KLHL29: variants seen among roughly 807,000 people sequenced by gnomAD.
KLHL29 encodes kelch-like protein 29.
KLHL29 carries 21 observed loss-of-function variants against 80.4 expected under a neutral mutation model. That is an observed-to-expected ratio of 0.26 (90% CI 0.19 to 0.38). The LOEUF is 0.38. Ranked by LOEUF, KLHL29 falls within the 10% of genes least tolerant of loss-of-function variation. The pLI is 1.00. For synonymous variants in KLHL29, 511 were observed against 526.8 expected, an observed-to-expected ratio of 0.97 and a Z score of 0.41; for missense variants, 867 against 1,223.9, an observed-to-expected ratio of 0.71 and a Z score of 4.35.
chr2:23,405,399 A>G (rs1163645231), intron 1 of KLHL29, among the ~76,000 whole-genome samples: 2 of 152,264 alleles, frequency 1.3e-5, no homozygotes, highest in African/African-American at 4.8e-5. Flanking sequence ...TGACAAAACA[A>G]TGCATGTTTT....
chr2:23,561,517 C>G (rs1476269498), intron 2 of KLHL29, among the ~76,000 whole-genome samples: 1 of 152,136 alleles, frequency 6.6e-6, no homozygotes, highest in Non-Finnish European at 1.5e-5. Flanking sequence ...GAGGCTAACA[C>G]CCTTTGCGAC....
At chr2:23,428,338 G>A (rs2103406621) in intron 1 of KLHL29, among the ~76,000 whole-genome samples, 1 of 152,334 alleles carries the variant, frequency 6.6e-6, no homozygotes, top group Admixed American at 6.5e-5. Flanking sequence ...TTCCCCCAGT[G>A]ATGTTGCGAG....
intron 1 of KLHL29, among the ~76,000 whole-genome samples, chr2:23,446,320 C>T (rs1389767488): frequency 6.6e-6 from 1 of 151,870 alleles, no homozygotes; most frequent in African/African-American, 2.4e-5. Flanking sequence ...ACCAAATTTC[C>T]ACATGGGGTC....
intron 1 of KLHL29, among the ~76,000 whole-genome samples, chr2:23,426,795 C>G (rs2103405681): frequency 6.6e-6 from 1 of 152,282 alleles, no homozygotes; most frequent in Non-Finnish European, 1.5e-5. Context: ...CACAGCTGGA[C>G]CCAGCCTCAG....
intron 3 of KLHL29, among the ~76,000 whole-genome samples, chr2:23,604,215 A>G (rs1668647017): frequency 6.6e-6 from 1 of 151,934 alleles, no homozygotes; most frequent in Non-Finnish European, 1.5e-5. Flanking sequence ...GCAGTGGTAC[A>G]ATCTGGGCCT....
chr2:23,438,770 C>A (rs1227076391), intron 1 of KLHL29, among the ~76,000 whole-genome samples: 1 of 151,922 alleles, frequency 6.6e-6, no homozygotes, highest in East Asian at 1.9e-4. Flanking sequence ...GTCTAAAATT[C>A]TTTTTTTGGT....
chr2:23,387,512 TATTATTA>T (rs1558319616), intron 1 of KLHL29, among the ~76,000 whole-genome samples: 8 of 44,782 alleles, frequency 1.8e-4, no homozygotes, highest in African/African-American at 1.2e-3. Context: ...GATTTATTAT[TATTATTA>T]TTATTATTAT....
intron 2 of KLHL29, among the ~76,000 whole-genome samples, chr2:23,549,383 A>C (rs1043972049): frequency 1.3e-5 from 2 of 152,250 alleles, no homozygotes; most frequent in Admixed American, 6.5e-5. Flanking sequence ...ACTTGTCAAC[A>C]GAGGCTGCCT....
intron 3 of KLHL29, among the ~76,000 whole-genome samples, chr2:23,592,447 G>A (rs1218996324): frequency 6.6e-6 from 1 of 152,212 alleles, no homozygotes; most frequent in African/African-American, 2.4e-5. Context: ...GGAACATTCT[G>A]ACCTGGGAGC....
In KLHL29 at chr2:23,503,922, A is replaced by G. The variant is rs945861717; in HGVS notation, c.-46+28255A>G. On this transcript the variant is annotated intron_variant, in intron 2 of 13. Transcript: ENST00000486442. The surrounding 1 kb of genome is among the most constrained non-coding windows in gnomAD (Gnocchi z 4.0). Reference sequence around the variant, plus strand: ...CTGTGCCTGCATCCTTCCCTCCTCCACTAGGAGCCTCTGGTTCCAGCCCAG... The same window carrying G: ...CTGTGCCTGCATCCTTCCCTCCTCCGCTAGGAGCCTCTGGTTCCAGCCCAG... Among the ~76,000 whole-genome samples the G allele has an allele frequency of 6.6e-6, 1 of 152,318 alleles. No homozygotes were observed.
chr2:23,440,632 GA>G (rs1159410705), intron 1 of KLHL29, among the ~76,000 whole-genome samples: 1 of 150,382 alleles, frequency 6.6e-6, no homozygotes, highest in Admixed American at 6.6e-5. Flanking sequence ...AAATTTACAA[GA>G]AAAAAACAAA....
intron 3 of KLHL29, among the ~76,000 whole-genome samples, chr2:23,601,990 C>T (rs1016007598): frequency 2.6e-5 from 4 of 152,214 alleles, no homozygotes; most frequent in African/African-American, 4.8e-5. Context: ...GGACAATTGA[C>T]GGGGGCTGAG....
At chr2:23,413,647 AT>A (rs778764839) in intron 1 of KLHL29, among the ~76,000 whole-genome samples, 1 of 152,078 alleles carries the variant, frequency 6.6e-6, no homozygotes, top group Non-Finnish European at 1.5e-5. Context: ...GAAAGAAACC[AT>A]TGACTTCATG....
intron 1 of KLHL29, among the ~76,000 whole-genome samples, chr2:23,455,358 T>G (rs1664020181): frequency 6.6e-6 from 1 of 152,268 alleles, no homozygotes; most frequent in South Asian, 2.1e-4. Flanking sequence ...TAACCTATTT[T>G]AAGTTGAAAT....
chr2:23,576,658 A>G (rs1400501137), intron 3 of KLHL29, among the ~76,000 whole-genome samples: 1 of 152,212 alleles, frequency 6.6e-6, no homozygotes, highest in African/African-American at 2.4e-5. Context: ...TCACCGGACC[A>G]CAGGGGAAGT....
chr2:23,673,319 C>T (rs2149178069), intron 5 of KLHL29, among the ~76,000 whole-genome samples: 1 of 151,762 alleles, frequency 6.6e-6, no homozygotes, highest in African/African-American at 2.4e-5. Flanking sequence ...CACAAGAGGA[C>T]ACACATACAC....
intron 3 of KLHL29, among the ~76,000 whole-genome samples, chr2:23,590,555 T>C (rs148744681): frequency 3.2e-3 from 481 of 152,252 alleles, no homozygotes; most frequent in African/African-American, 0.011. Context: ...ACAGACGCCA[T>C]GCCGAGGCCC....
At chr2:23,672,984 G>T (rs889748483) in intron 5 of KLHL29, among the ~76,000 whole-genome samples, 2 of 152,190 alleles carry the variant, frequency 1.3e-5, no homozygotes, top group African/African-American at 4.8e-5. Context: ...TTCAGTGTCA[G>T]AGACAAAGCT....
At chr2:23,594,197 C>A (rs966565235) in intron 3 of KLHL29, among the ~76,000 whole-genome samples, 1 of 152,162 alleles carries the variant, frequency 6.6e-6, no homozygotes, top group African/African-American at 2.4e-5. Context: ...GTTTACCAGA[C>A]CGGCCTTATT....
Sources: allele counts gnomAD v4.1 joint callset (sites outside exome capture counted in the v4.1 genomes callset), GRCh38; gene constraint gnomAD v4.1.1; non-coding constraint Gnocchi (gnomAD v3.1); transcripts MANE v1.5; gene names NCBI Gene and HGNC (gene_info 2026-07-23, HGNC 2026-07-21).